The following INVS variants were observed in gnomAD, a reference collection of about 807,000 sequenced individuals.
INVS encodes the protein inversion of embryo turning homolog.
A neutral mutation model predicts 108.8 loss-of-function variants in INVS; 86 were observed. That is an observed-to-expected ratio of 0.79 (90% confidence interval 0.66 to 0.95). The LOEUF (loss-of-function observed/expected upper bound fraction) is 0.95. Among genes scored for constraint, INVS ranks in the 40% least tolerant of loss-of-function variants. INVS has a pLI of 0.00. For missense variants in INVS, 1,169 were observed against 1,297.4 expected (o/e 0.90, Z 1.52); for synonymous variants, 455 against 473.5 (o/e 0.96, Z 0.51).
intron 3 of INVS, among the ~76,000 whole-genome samples, chr9:100,153,795 G>A (rs1828881776): frequency 6.6e-6 from 1 of 152,168 alleles, no homozygotes; most frequent in African/African-American, 2.4e-5. Flanking sequence ...AACAAGTGAG[G>A]GAAAAGGGGG....
intron 3 of INVS, among the ~76,000 whole-genome samples, chr9:100,187,215 A>T (rs1189795494): frequency 6.6e-6 from 1 of 152,084 alleles, no homozygotes; most frequent in Non-Finnish European, 1.5e-5. Flanking sequence ...TGGTCTGTAC[A>T]TCTATTTTCA....
chr9:100,161,203 C>T (rs1564138541), intron 3 of INVS, among the ~76,000 whole-genome samples: 1 of 150,996 alleles, frequency 6.6e-6, no homozygotes, highest in Non-Finnish European at 1.5e-5. Context: ...TGGTGAAACT[C>T]TATCTGTACC....
intron 13 of INVS, among the ~76,000 whole-genome samples, chr9:100,286,224 T>TA (rs2118733012): frequency 6.6e-6 from 1 of 152,316 alleles, no homozygotes; most frequent in East Asian, 1.9e-4. Context: ...AGCCACTCAT[T>TA]AATCTAGCCA....
intron 3 of INVS, among the ~76,000 whole-genome samples, chr9:100,220,578 A>C (rs1831115589): frequency 6.6e-6 from 1 of 152,060 alleles, no homozygotes; most frequent in South Asian, 2.1e-4. Flanking sequence ...TCCTCTTTTG[A>C]TCTATTATCT....
At chr9:100,191,310 C>G (rs1335511317) in intron 3 of INVS, among the ~76,000 whole-genome samples, 1 of 152,182 alleles carries the variant, frequency 6.6e-6, no homozygotes, top group Admixed American at 6.5e-5. Flanking sequence ...CTCAGGAACA[C>G]TAGTGATTCT....
At chr9:100,226,810 CAAAAAAAA>C (rs59853701) in intron 4 of INVS, among the ~76,000 whole-genome samples, 7 of 78,798 alleles carry the variant, frequency 8.9e-5, no homozygotes, top group Non-Finnish European at 1.5e-4. Flanking sequence ...GAGACTGTCT[CAAAAAAAA>C]AAAAAAAAAA....
chr9:100,218,804 T>G (rs969432958), intron 3 of INVS, among the ~76,000 whole-genome samples: 3 of 152,158 alleles, frequency 2.0e-5, no homozygotes, highest in Non-Finnish European at 4.4e-5. Context: ...CATCCAAGCC[T>G]CAGGTCAGGA....
chr9:100,104,077 T>C (rs1564114098), intron 1 of INVS, among the ~76,000 whole-genome samples: 1 of 152,186 alleles, frequency 6.6e-6, no homozygotes, highest in African/African-American at 2.4e-5. Flanking sequence ...TGTTAAATAT[T>C]GTCTTTGTTT....
intron 3 of INVS, among the ~76,000 whole-genome samples, chr9:100,193,103 G>T (rs1830272390): frequency 6.6e-6 from 1 of 151,474 alleles, no homozygotes; most frequent in African/African-American, 2.4e-5. Context: ...TCAGCCTCCT[G>T]AGTAGCTGGT....
At chr9:100,205,565 G>C (rs1044716971) in intron 3 of INVS, among the ~76,000 whole-genome samples, 2 of 151,888 alleles carry the variant, frequency 1.3e-5, no homozygotes, top group African/African-American at 2.4e-5. Flanking sequence ...AAACTTCATA[G>C]TAAATGTCTT....
intron 3 of INVS, among the ~76,000 whole-genome samples, chr9:100,144,970 A>G (rs563471841): frequency 1.3e-5 from 2 of 152,304 alleles, no homozygotes; most frequent in East Asian, 3.9e-4. Context: ...CTATTTTACA[A>G]CAAGAATTAT....
Position 100,196,888 on chromosome 9 carries a change from GT to G in INVS, c.274-29167del, listed in dbSNP as rs150102365. On this transcript the variant is annotated intron_variant, in intron 3 of 16. Coordinates refer to ENST00000262457, the MANE Select transcript of INVS (RefSeq NM_014425.5). ...GAGAAAACACACTTCACCTGTTTGGGTTTTTTTCTGCTCTCTCACTCGACAC... is the reference window on the plus strand; with the variant it reads ...GAGAAAACACACTTCACCTGTTTGGGTTTTTTCTGCTCTCTCACTCGACAC... Among the ~76,000 whole-genome samples, 710 of 152,068 alleles carry G rather than the reference GT, an allele frequency of 4.7e-3. 7 individuals are homozygous for G. Among genetic ancestry groups the G allele is most frequent in the African/African-American group, 0.016 (672 of 41,476 alleles).
chr9:100,114,052 A>G (rs1193684218), intron 2 of INVS, among the ~76,000 whole-genome samples: 1 of 152,238 alleles, frequency 6.6e-6, no homozygotes, highest in African/African-American at 2.4e-5. Flanking sequence ...TTCACTTACA[A>G]TACATAGCTG....
At chr9:100,245,188 G>T (rs1487177573) in intron 7 of INVS, among the ~76,000 whole-genome samples, 1 of 152,152 alleles carries the variant, frequency 6.6e-6, no homozygotes, top group African/African-American at 2.4e-5. Context: ...GAATAAAGAG[G>T]CAATTTAAAA....
intron 3 of INVS, among the ~76,000 whole-genome samples, chr9:100,183,444 A>T (rs1829955977): frequency 6.6e-6 from 1 of 152,190 alleles, no homozygotes; most frequent in African/African-American, 2.4e-5. Context: ...TCCAGAATAA[A>T]ACTGAAATAA....
chr9:100,281,462 T>C lies in INVS; in HGVS notation c.1785-2858T>C, dbSNP rs1211223068. Among the ~76,000 whole-genome samples the C allele has an allele frequency of 5.9e-5, 9 of 152,356 alleles. 1 individual carries two copies. In the South Asian group the frequency reaches 1.2e-3, roughly 21 times the overall value. On this transcript the variant is annotated intron_variant, in intron 12 of 16. Coordinates refer to ENST00000262457, the MANE Select transcript of INVS (RefSeq NM_014425.5). ...CTGCTTTAGTTTTAAGGCAGCAATA[T>C]AGATAAAATAGGATACAAGTTATGC...
intron 16 of INVS, among the ~76,000 whole-genome samples, chr9:100,300,224 G>T (rs1011782053): frequency 6.6e-6 from 1 of 152,136 alleles, no homozygotes; most frequent in South Asian, 2.1e-4. Context: ...AAGTGTAATA[G>T]GAGAGTTAAA....
chr9:100,254,918 G>A (rs868058933), intron 10 of INVS, among the ~76,000 whole-genome samples: 7 of 152,142 alleles, frequency 4.6e-5, no homozygotes, highest in South Asian at 2.1e-4. Flanking sequence ...TTGGTTCCAT[G>A]TGAACTTTAA....
intron 3 of INVS, among the ~76,000 whole-genome samples, chr9:100,128,289 T>C (rs546369376): frequency 2.0e-5 from 3 of 152,338 alleles, no homozygotes; most frequent in African/African-American, 7.2e-5. Flanking sequence ...AGAACTATGA[T>C]TTATGTGGTG....
Sources: allele counts gnomAD v4.1 joint callset (sites outside exome capture counted in the v4.1 genomes callset), GRCh38; gene constraint gnomAD v4.1.1; transcripts MANE v1.5; gene names NCBI Gene and HGNC (gene_info 2026-07-23, HGNC 2026-07-21).